NCAPD3: variants seen among roughly 807,000 people sequenced by gnomAD.
NCAPD3 encodes condensin-2 complex subunit D3.
In NCAPD3, 105 loss-of-function variants were observed where a neutral mutation model predicts 182.9. The observed-to-expected ratio is 0.57, with a 90% CI of 0.49 to 0.68. The LOEUF is 0.68. Among genes scored for constraint, NCAPD3 ranks in the 30% least tolerant of loss-of-function variants. The pLI, the probability that NCAPD3 is intolerant of heterozygous loss-of-function variation, is 0.00. For synonymous variants in NCAPD3, 815 were observed against 679.9 expected (o/e 1.20, Z -3.09); for missense variants, 1,944 against 1,837.0 (o/e 1.06, Z -1.07).
chr11:134,170,055 A>T (rs2135962938), intron 24 of NCAPD3, among the ~76,000 whole-genome samples: 1 of 152,290 alleles, frequency 6.6e-6, no homozygotes, highest in East Asian at 1.9e-4. Flanking sequence ...GGTGCTCCTT[A>T]TGCCAAAATT....
chr11:134,172,833 C>T (rs530822519), intron 24 of NCAPD3, among the ~76,000 whole-genome samples: 3 of 152,142 alleles, frequency 2.0e-5, no homozygotes, highest in African/African-American at 7.2e-5. Context: ...AGCTCAGGAG[C>T]AGCATCGTGA....
At chr11:134,185,049 G>A (rs1299072118) in intron 17 of NCAPD3, 49 bp from the exon 18 acceptor site, 3 of 1,407,990 alleles carry the variant, frequency 2.1e-6, no homozygotes, top group Non-Finnish European at 2.0e-6. Context: ...GTTAAACACT[G>A]CTGCCAACAA....
In NCAPD3 at chr11:134,223,948, C is replaced by A. The variant is rs779147671; in HGVS notation, c.-22G>T. ...CCATGATCCCAGGGCACCGGCTCGC[C>A]GCCGCCGTGCTCAACTTTCAAAGCT... is the stretch of plus-strand genomic sequence containing the variant. On this transcript the variant is annotated 5_prime_UTR_variant, in exon 1 of 35. Transcript: ENST00000534548. 3 of 1,608,906 alleles carry A rather than the reference C, an allele frequency of 1.9e-6. No individual in the cohort carries two copies. The highest frequency in any genetic ancestry group is 2.2e-5 in the East Asian group (1 of 44,690).
At chr11:134,207,697 T>G (rs1486031796) in intron 7 of NCAPD3, among the ~76,000 whole-genome samples, 1 of 126,304 alleles carries the variant, frequency 7.9e-6, no homozygotes, top group East Asian at 2.4e-4. Context: ...TGAGCCGAGA[T>G]CATGCCACTG....
chr11:134,164,630 C>T (rs572606576), intron 27 of NCAPD3, among the ~76,000 whole-genome samples: 2 of 148,762 alleles, frequency 1.3e-5, no homozygotes, highest in Middle Eastern at 3.8e-3. Flanking sequence ...GTGACATGAG[C>T]TTGAGGGAGC....
rs113211710 is a variant in NCAPD3 at position 134,194,978 on chromosome 11, T to C, written c.1616-240A>G. Among the ~76,000 whole-genome samples, 649 of 152,338 alleles carry C rather than the reference T, an allele frequency of 4.3e-3. 3 individuals are homozygous for C. The highest frequency in any genetic ancestry group is 0.014 in the African/African-American group (601 of 41,582). ...TAAATCTCAGCCCCTACCTCTAAAA[T>C]TGTGAATGAATTATTTATCTCTTCC... On this transcript the variant is annotated intron_variant, in intron 13 of 34. Transcript: ENST00000534548.
Position 134,164,512 on chromosome 11 carries a change from C to T in NCAPD3, c.3574-2621G>A, listed in dbSNP as rs527822703. Among the ~76,000 whole-genome samples the T allele has an allele frequency of 8.5e-5, 13 of 152,232 alleles. No individual in the cohort carries two copies. The East Asian group carries it at 1.9e-3, about 23-fold the overall frequency. On this transcript the variant is annotated intron_variant, in intron 27 of 34. Coordinates refer to ENST00000534548, the MANE Select transcript of NCAPD3 (RefSeq NM_015261.3). ...TGGCACCAGGATTCCAGGGAGAACA[C>T]GGAAGCCAGTAGATGGTGAGAAGAG... is the stretch of plus-strand genomic sequence containing the variant.
intron 32 of NCAPD3, 51 bp from the exon 33 acceptor site, chr11:134,153,414 G>A (rs1167062571): frequency 6.3e-7 from 1 of 1,578,784 alleles, no homozygotes; most frequent in Non-Finnish European, 8.7e-7. Context: ...TCTATCGGAG[G>A]TCTCTGTTCT....
intron 23 of NCAPD3, 57 bp from the exon 24 acceptor site, chr11:134,176,443 G>T: frequency 6.8e-7 from 1 of 1,474,012 alleles, no homozygotes; most frequent in Non-Finnish European, 9.5e-7. Context: ...AAGCCTCACT[G>T]TTCCCAGCCA....
Position 134,158,381 on chromosome 11 carries a change from A to G in NCAPD3, c.3982T>C (p.Ser1328Pro), listed in dbSNP as rs1268634732. The G allele has an allele frequency of 1.9e-6, 3 of 1,614,068 alleles. No homozygotes were observed. Among genetic ancestry groups the G allele is most frequent in the Admixed American group, 1.7e-5 (1 of 60,008 alleles). ...GGCCCTGTTTCAGGTGTAGGAGATG[A>G]TACTGCTACATGGCCAGCACTTGCC... ...PRASAGHVAV[S>P]SPTPETGPLQ... Residue 1328 changes from serine (S) to proline (P), a missense_variant, in exon 30 of 35, where the codon TCA becomes CCA. Physicochemically the swap from Ser to Pro is moderately conservative, Grantham distance 74. Coordinates refer to ENST00000534548, the MANE Select transcript of NCAPD3 (RefSeq NM_015261.3).
chr11:134,165,131 TA>T (rs1943731513), intron 27 of NCAPD3, among the ~76,000 whole-genome samples: 1 of 149,120 alleles, frequency 6.7e-6, no homozygotes, highest in African/African-American at 2.5e-5. Flanking sequence ...GAGATGAGCT[TA>T]GGGGAGCAGC....
upstream of NCAPD3, chr11:134,223,996 C>T: frequency 1.3e-6 from 2 of 1,563,498 alleles, no homozygotes; most frequent in Non-Finnish European, 1.7e-6. Flanking sequence ...CGCGCCGAGT[C>T]GTTCCTGTGG....
At position 134,178,826 on chromosome 11, in the gene NCAPD3, G is replaced by A. The variant is rs1944229539; in HGVS notation, c.2670C>T (p.Asp890=). 3.1e-6 allele frequency: 5 copies of A among 1,613,996 alleles called. No homozygotes were observed. The South Asian group carries it at 4.4e-5, about 14-fold the overall frequency. The change falls in exon 21 of 35, where the codon GAC becomes GAT. Residue 890 remains aspartate (D), a synonymous_variant. Transcript: ENST00000534548. The part of the protein sequence containing the change: ...QSVLASSADA[D]HSPSSQGSSE... ...GTATGATTTCAAATGCCTTACAGTG[G>A]TCAGCATCAGCAGACGAAGCCAGGA... is the stretch of plus-strand genomic sequence containing the variant.
intron 24 of NCAPD3, among the ~76,000 whole-genome samples, chr11:134,173,922 T>C (rs921619908): frequency 3.3e-5 from 5 of 150,372 alleles, no homozygotes; most frequent in East Asian, 4.0e-4. Context: ...GATCATGCCA[T>C]TGCACTCCAG....
chr11:134,193,772 A>G (rs1233906104), intron 15 of NCAPD3, among the ~76,000 whole-genome samples: 1 of 152,154 alleles, frequency 6.6e-6, no homozygotes, highest in African/African-American at 2.4e-5. Flanking sequence ...TAATAATAAC[A>G]ATAAAGTGAA....
rs557558255 is a variant in NCAPD3, at chr11:134,159,769, C to A, written c.3867+123G>T. The A allele has an allele frequency of 3.5e-5, 37 of 1,053,208 alleles. No individual in the cohort carries two copies. In the African/African-American group the frequency reaches 5.4e-4, roughly 15 times the overall value. The allele number at this position is 1,053,208 out of a possible 1,614,324, so 65.2% of individuals were successfully genotyped here. A position where few individuals can be genotyped will look rare whatever the true frequency, so the allele number is the denominator to read the frequency against. On this transcript the variant is annotated intron_variant, in intron 29 of 34. Coordinates refer to ENST00000534548, the MANE Select transcript of NCAPD3 (RefSeq NM_015261.3). Reference sequence around the variant, plus strand: ...GGGAGTGGCCAACAAGCAGCACTCTCGAGGCCTTCGGGCTGACTAACCTCT... The same window carrying A: ...GGGAGTGGCCAACAAGCAGCACTCTAGAGGCCTTCGGGCTGACTAACCTCT...
At chr11:134,176,484 C>A (rs933309889) in intron 23 of NCAPD3, 98 bp from the exon 24 acceptor site, 92 of 968,680 alleles carry the variant, frequency 9.5e-5, no homozygotes, top group South Asian at 6.6e-4. Context: ...CTGTCCCCGG[C>A]ACACTGGCTG....
chr11:134,201,993 G>A (rs1218997323), intron 13 of NCAPD3, among the ~76,000 whole-genome samples: 1 of 152,070 alleles, frequency 6.6e-6, no homozygotes, highest in Non-Finnish European at 1.5e-5. Context: ...TCAGTGTTCC[G>A]CATACATGTG....
At position 134,192,794 on chromosome 11, in the gene NCAPD3, A is replaced by G. The variant is rs746117158; in HGVS notation, c.1940T>C (p.Leu647Pro). 14 of 1,614,128 alleles carry G rather than the reference A, an allele frequency of 8.7e-6. No homozygotes were observed. Among genetic ancestry groups the G allele is most frequent in the African/African-American group, 2.7e-5 (2 of 74,938 alleles). ...EKALEFLDQL[L>P]LQNIRHHSHF... ...ACTGTGATGCCGGATGTTCTGCAGCAGCAGCTGGTCCAGGAACTCCAGGGC... is the reference window on the plus strand; with the variant it reads ...ACTGTGATGCCGGATGTTCTGCAGCGGCAGCTGGTCCAGGAACTCCAGGGC... The change falls in exon 16 of 35, where the codon CTG becomes CCG. Residue 647 changes from leucine (L) to proline (P), a missense_variant. Leu to Pro is a moderately conservative substitution (Grantham distance 98, BLOSUM62 -3). Around this residue, in one of 3 missense-constraint regions of NCAPD3, gnomAD observed 1,803 missense variants for 1,674.6 expected, o/e 1.08. Coordinates refer to ENST00000534548, the MANE Select transcript of NCAPD3 (RefSeq NM_015261.3).
Sources: gnomAD v4.1 joint callset for allele counts (sites outside exome capture counted in the v4.1 genomes callset) on GRCh38, gnomAD v4.1.1 for gene constraint, gnomAD v4.1.1 regional missense constraint, MANE v1.5 for transcripts, NCBI Gene and HGNC (gene_info 2026-07-23, HGNC 2026-07-21) for gene names.